The following GYG1 variants were observed in gnomAD, a reference collection of about 807,000 sequenced individuals.
GYG1 encodes the protein glycogenin-1.
GYG1 carries 44 observed loss-of-function variants against 41.9 expected under a neutral mutation model. The observed-to-expected ratio is 1.05, with a 90% CI of 0.83 to 1.35. The LOEUF is 1.35. Ranked by LOEUF, GYG1 falls within the 40% of genes most tolerant of loss-of-function variation. The pLI is 0.00. For missense variants in GYG1, 429 were observed against 418.9 expected (o/e 1.02, Z -0.21); for synonymous variants, 141 against 158.1 (o/e 0.89, Z 0.81).
At chr3:149,005,974 A>G (rs1236931290) in intron 4 of GYG1, among the ~76,000 whole-genome samples, 1 of 151,520 alleles carries the variant, frequency 6.6e-6, no homozygotes. Flanking sequence ...GTATATGTAT[A>G]TGCACTTTTG....
chr3:149,008,866 C>A, intron 4 of GYG1: 1 of 202,814 alleles, frequency 4.9e-6, no homozygotes, highest in Non-Finnish European at 1.0e-5. Context: ...GAACTTAACT[C>A]AAAAATGAGG....
intron 4 of GYG1, among the ~76,000 whole-genome samples, chr3:149,000,697 T>C (rs182834890): frequency 4.5e-4 from 69 of 152,366 alleles, no homozygotes; most frequent in African/African-American, 1.7e-3. Flanking sequence ...GGAATTCATA[T>C]TTTGTAATTT....
At chr3:149,006,143 C>T (rs560069530) in intron 4 of GYG1, among the ~76,000 whole-genome samples, 96 of 140,832 alleles carry the variant, frequency 6.8e-4, no homozygotes, top group African/African-American at 2.4e-3. Context: ...AGTGCGGTGG[C>T]GTGATCTCAG....
intron 4 of GYG1, among the ~76,000 whole-genome samples, chr3:148,999,595 ACTTATG>A: frequency 6.6e-6 from 1 of 152,222 alleles, no homozygotes; most frequent in African/African-American, 2.4e-5. Flanking sequence ...GATGTGTTGG[ACTTATG>A]CTTGATAGCA....
chr3:148,991,603 C>G lies in GYG1; in HGVS notation c.-38C>G. 1 of 1,554,486 alleles carries G rather than the reference C, an allele frequency of 6.4e-7. No homozygotes were observed. The highest frequency in any genetic ancestry group is 8.6e-7 in the Non-Finnish European group (1 of 1,158,712). ...GTGCCGGCTTCTCTGAGTCACCAAC[C>G]TGAGGCTGCCCCGGCCGCCTGCGCA... On this transcript the variant is annotated 5_prime_UTR_variant, in exon 1 of 8. Transcript: ENST00000345003.
intron 2 of GYG1, 93 bp downstream of exon 2, chr3:148,994,370 C>A: frequency 7.4e-7 from 1 of 1,359,136 alleles, no homozygotes; most frequent in Non-Finnish European, 1.1e-6. Context: ...ATGCTCTTTT[C>A]AGGAATTGAG....
intron 4 of GYG1, among the ~76,000 whole-genome samples, chr3:148,997,490 A>G (rs1712875004): frequency 6.6e-6 from 1 of 152,198 alleles, no homozygotes; most frequent in South Asian, 2.1e-4. Flanking sequence ...TTTCTATAAC[A>G]TATAAATGTA....
At chr3:149,005,556 T>G (rs988515284) in intron 4 of GYG1, among the ~76,000 whole-genome samples, 5 of 152,214 alleles carry the variant, frequency 3.3e-5, no homozygotes, top group African/African-American at 1.2e-4. Flanking sequence ...TGGTAGAATA[T>G]AAGTCGTTTA....
chr3:149,031,695 C>T lies in GYG1; in HGVS notation c.*4762C>T, dbSNP rs1364035751. ...AGGAAAAATAAAAACCTGTGCTAAC[C>T]TGGACTTTGGTCTCATTTAAGATTT... On this transcript the variant is annotated 3_prime_UTR_variant, in exon 8 of 8. Coordinates refer to ENST00000345003, the MANE Select transcript of GYG1 (RefSeq NM_004130.4). The T allele has an allele frequency of 6.6e-6, 1 of 152,230 alleles. No homozygotes were observed. The allele number at this position is 152,230 out of a possible 1,614,324, so 9.4% of individuals were successfully genotyped here.
At position 149,028,363 on chromosome 3, in the gene GYG1, A is replaced by G. The variant is rs372292506; in HGVS notation, c.*1430A>G. Among the ~76,000 whole-genome samples, 19 of 152,202 alleles carry G rather than the reference A, an allele frequency of 1.2e-4. No individual in the cohort carries two copies. The East Asian group carries it at 1.5e-3, about 12-fold the overall frequency. ...AGAATTATAAAATATTAAATGATAA[A>G]TGACTTCTGAAACTAGCTATTTGGA... On this transcript the variant is annotated 3_prime_UTR_variant, in exon 8 of 8. Coordinates refer to ENST00000345003, the MANE Select transcript of GYG1 (RefSeq NM_004130.4).
chr3:148,995,699 G>C (rs1348969237), intron 2 of GYG1, among the ~76,000 whole-genome samples: 2 of 152,134 alleles, frequency 1.3e-5, no homozygotes, highest in Non-Finnish European at 2.9e-5. Flanking sequence ...TACAATACCA[G>C]TTTTGTTCTG....
At chr3:149,024,817 A>G (rs1045123453) in intron 6 of GYG1, among the ~76,000 whole-genome samples, 6 of 152,224 alleles carry the variant, frequency 3.9e-5, no homozygotes, top group African/African-American at 1.2e-4. Context: ...GTTAACATTT[A>G]TAACAACCCT....
intron 5 of GYG1, among the ~76,000 whole-genome samples, chr3:149,013,061 C>A (rs1163135624): frequency 1.3e-5 from 2 of 149,824 alleles, no homozygotes; most frequent in African/African-American, 5.0e-5. Context: ...TGCCATGTTG[C>A]CCAGACTGGT....
At position 148,996,985 on chromosome 3, in the gene GYG1, G is replaced by T. The variant is rs1712836585; in HGVS notation, c.481+81G>T. ...TGCTCTTCTCAGGAATATAATTGCT[G>T]TGGTTTATTCTGCCTGGAAGATATA... On this transcript the variant is annotated intron_variant, in intron 4 of 7. Coordinates refer to ENST00000345003, the MANE Select transcript of GYG1 (RefSeq NM_004130.4). The T allele has an allele frequency of 2.8e-6, 3 of 1,083,740 alleles. No individual in the cohort carries two copies. In the East Asian group the frequency reaches 7.1e-5, roughly 26 times the overall value. The allele number at this position is 1,083,740 out of a possible 1,614,324, so 67.1% of individuals were successfully genotyped here.
chr3:149,007,020 A>G (rs911487967), intron 4 of GYG1, among the ~76,000 whole-genome samples: 9 of 152,384 alleles, frequency 5.9e-5, no homozygotes, highest in Non-Finnish European at 1.3e-4. Context: ...CAACAGAAAT[A>G]TATTTCTCAC....
chr3:149,009,060 TAGACAGG>T, intron 4 of GYG1: 1 of 493,380 alleles, frequency 2.0e-6, no homozygotes, highest in East Asian at 3.9e-5. Flanking sequence ...TCGGGAGGCT[TAGACAGG>T]AGAATTGCTT....
At chr3:148,996,963 T>C in intron 4 of GYG1, 59 bp downstream of exon 4, 1 of 1,249,992 alleles carries the variant, frequency 8.0e-7, no homozygotes, top group Non-Finnish European at 1.2e-6. Context: ...TAGGGGCTGC[T>C]CTTCTCAGGA....
At chr3:149,023,554 T>G (rs1714482245) in intron 5 of GYG1, among the ~76,000 whole-genome samples, 1 of 152,234 alleles carries the variant, frequency 6.6e-6, no homozygotes, top group African/African-American at 2.4e-5. Context: ...GTGCCTGTTC[T>G]GTCCACAATG....
intron 5 of GYG1, among the ~76,000 whole-genome samples, chr3:149,019,355 G>C (rs1714249598): frequency 6.6e-6 from 1 of 152,030 alleles, no homozygotes; most frequent in African/African-American, 2.4e-5. Flanking sequence ...TTGCAATGTG[G>C]GTAGCTGTTG....
Sources: gnomAD v4.1 joint callset for allele counts (sites outside exome capture counted in the v4.1 genomes callset) on GRCh38, gnomAD v4.1.1 for gene constraint, MANE v1.5 for transcripts, NCBI Gene and HGNC (gene_info 2026-07-23, HGNC 2026-07-21) for gene names.